Variants in TG observed in about 807,000 individuals in gnomAD.
TG encodes the protein thyroid hormones.
Under a neutral mutation model 324.7 loss-of-function variants are expected in TG, and 270 were observed. The ratio of observed to expected loss-of-function variants is 0.83; its 90% confidence interval spans 0.75 to 0.92. TG has a LOEUF of 0.92. TG is among the 40% of genes least tolerant of loss of function. TG has a pLI of 0.00. For missense variants in TG, 3,591 were observed against 3,456.4 expected, an observed-to-expected ratio of 1.04 and a Z score of -0.98; for synonymous variants, 1,401 against 1,327.0, an observed-to-expected ratio of 1.06 and a Z score of -1.21.
At chr8:133,048,065 T>C in intron 41 of TG, 1 of 604,672 alleles carries the variant, frequency 1.7e-6, no homozygotes, top group South Asian at 2.0e-5. Flanking sequence ...GGAAGCATCA[T>C]CTCTCTTCCA....
At chr8:132,965,282 G>A (rs1828384521) in intron 29 of TG, among the ~76,000 whole-genome samples, 1 of 152,190 alleles carries the variant, frequency 6.6e-6, no homozygotes, top group Non-Finnish European at 1.5e-5. Flanking sequence ...GGTCTCTGGT[G>A]TCTCTGCCAG....
chr8:133,120,141 G>A (rs1439468520), intron 45 of TG, among the ~76,000 whole-genome samples: 1 of 152,146 alleles, frequency 6.6e-6, no homozygotes, highest in African/African-American at 2.4e-5. Context: ...TGACTCTTTT[G>A]TCTGGTTTTC....
chr8:132,948,982 C>A, intron 27 of TG, 39 bp downstream of exon 27: 1 of 1,596,436 alleles, frequency 6.3e-7, no homozygotes. Flanking sequence ...TTCAAAATTA[C>A]TCTTCACACG....
At chr8:133,096,112 C>A in intron 42 of TG, 94 bp from the exon 43 acceptor site, 1 of 1,467,166 alleles carries the variant, frequency 6.8e-7, no homozygotes, top group Non-Finnish European at 9.5e-7. Flanking sequence ...AGATGGATAA[C>A]CAGTATTGGC....
At chr8:133,021,833 A>G (rs1430464923) in intron 39 of TG, among the ~76,000 whole-genome samples, 158 bp from the exon 40 acceptor site, 1 of 152,140 alleles carries the variant, frequency 6.6e-6, no homozygotes, top group Non-Finnish European at 1.5e-5. Flanking sequence ...TAGGACTTCA[A>G]TGTATAAATT....
chr8:133,079,652 C>A (rs188621160), intron 41 of TG, among the ~76,000 whole-genome samples: 4 of 152,262 alleles, frequency 2.6e-5, no homozygotes, highest in Admixed American at 2.6e-4. Flanking sequence ...CCAGTATGAG[C>A]AGATTTCCAT....
chr8:132,950,164 C>T (rs973866548), intron 27 of TG, among the ~76,000 whole-genome samples: 1 of 152,210 alleles, frequency 6.6e-6, no homozygotes, highest in Non-Finnish European at 1.5e-5. Flanking sequence ...GCCAGCTGTT[C>T]CTTTTGTTCT....
chr8:133,115,913 C>A (rs992989900), intron 44 of TG, among the ~76,000 whole-genome samples: 1 of 152,218 alleles, frequency 6.6e-6, no homozygotes, highest in African/African-American at 2.4e-5. Flanking sequence ...GATTTCTCGG[C>A]TTCCTCATCT....
At chr8:132,913,303 C>A (rs1241596851) in intron 20 of TG, 38 bp downstream of exon 20, 1 of 1,604,138 alleles carries the variant, frequency 6.2e-7, no homozygotes, top group Non-Finnish European at 8.5e-7. Flanking sequence ...CCTGTGGAGC[C>A]ATGTGAGGCT....
At chr8:133,002,921 T>G (rs871402) in intron 35 of TG, 482,821 of 856,360 alleles carry the variant, frequency 0.56, 138,484 homozygotes, top group African/African-American at 0.73. Flanking sequence ...CACCTGTGGG[T>G]TATACCTTTT....
chr8:133,075,084 G>A, intron 41 of TG: 1 of 985,440 alleles, frequency 1.0e-6, no homozygotes. Context: ...AGAAGGGCAG[G>A]TTCCTGTTTT....
intron 16 of TG, among the ~76,000 whole-genome samples, chr8:132,902,113 A>G (rs1302485183): frequency 6.6e-6 from 1 of 152,106 alleles, no homozygotes; most frequent in Non-Finnish European, 1.5e-5. Context: ...AGTCATTTTA[A>G]AAGTTATGTG....
chr8:133,002,527 G>A (rs1833622227), intron 35 of TG: 5 of 633,958 alleles, frequency 7.9e-6, no homozygotes, highest in Non-Finnish European at 7.9e-6. Context: ...TTTCTTTGGG[G>A]GAGAGGACAT....
chr8:133,027,686 A>C (rs1443572810), intron 40 of TG, among the ~76,000 whole-genome samples: 1 of 152,214 alleles, frequency 6.6e-6, no homozygotes, highest in Admixed American at 6.5e-5. Flanking sequence ...AAGCACTGAA[A>C]ATTTTTAATG....
chr8:132,911,597 A>T, intron 19 of TG, 64 bp downstream of exon 19: 1 of 1,381,626 alleles, frequency 7.2e-7, no homozygotes. Context: ...CAGTTTTCTC[A>T]TCTGCCAAAT....
intron 35 of TG, among the ~76,000 whole-genome samples, chr8:133,008,652 C>T (rs1029275728): frequency 3.0e-4 from 46 of 152,232 alleles, no homozygotes; most frequent in Non-Finnish European, 7.3e-5. Context: ...GGTTCTGTAC[C>T]TGCAAGAACT....
At chr8:133,058,344 G>C (rs922911580) in intron 41 of TG, among the ~76,000 whole-genome samples, 3 of 152,134 alleles carry the variant, frequency 2.0e-5, no homozygotes, top group Non-Finnish European at 1.5e-5. Flanking sequence ...GGGTGGAGGG[G>C]TGGGGAGACC....
rs2293999 is a variant in TG, at chr8:132,868,528, C to T, written c.176+305C>T. 9.1e-3 allele frequency among the ~76,000 whole-genome samples: 1,379 copies of T among 152,278 alleles called. 38 individuals are homozygous for T. Among genetic ancestry groups the T allele is most frequent in the East Asian group, 0.087 (449 of 5,180 alleles). On this transcript the variant is annotated intron_variant, in intron 2 of 47. Transcript: ENST00000220616. ...TCTGTGATGGCTTGAATAAACGGCA[C>T]GTGTGGGGAGTGGGGCAGGTTGAGG...
At chr8:133,080,706 A>C (rs1317889733) in intron 41 of TG, among the ~76,000 whole-genome samples, 1 of 152,120 alleles carries the variant, frequency 6.6e-6, no homozygotes, top group African/African-American at 2.4e-5. Context: ...CAAGGCCTCC[A>C]TGCCCCACTC....
Sources: gnomAD v4.1 joint callset for allele counts (sites outside exome capture counted in the v4.1 genomes callset) on GRCh38, gnomAD v4.1.1 for gene constraint, MANE v1.5 for transcripts, NCBI Gene and HGNC (gene_info 2026-07-23, HGNC 2026-07-21) for gene names.